The following ASPH variants were observed in gnomAD, a reference collection of about 807,000 sequenced individuals.
The protein encoded by ASPH is aspartyl/asparaginyl beta-hydroxylase.
A neutral mutation model predicts 118.4 loss-of-function variants in ASPH; 100 were observed. The observed-to-expected ratio is 0.84, with a 90% CI of 0.72 to 1.00. The LOEUF (loss-of-function observed/expected upper bound fraction) is 1.00, where lower values mean the gene tolerates loss of function less well. ASPH is among the 50% of genes least tolerant of loss of function. The pLI is 0.00. For synonymous variants in ASPH, 315 were observed against 325.6 expected, an observed-to-expected ratio of 0.97 and a Z score of 0.35; for missense variants, 920 against 919.5, an observed-to-expected ratio of 1.00 and a Z score of -0.01.
intron 14 of ASPH, among the ~76,000 whole-genome samples, chr8:61,584,928 T>C (rs1392484163): frequency 1.3e-5 from 2 of 152,218 alleles, no homozygotes; most frequent in East Asian, 1.9e-4. Context: ...AAGTTTCTCC[T>C]GAAATCACCC....
Position 61,578,340 on chromosome 8 carries a change from G to A in ASPH, c.1063-1482C>T, listed in dbSNP as rs1563892323. ...CATCAGCTCCTCGAGCTTCTCCTGA[G>A]TGGGCAGCAGCAGCTTTCGGGGTGG... is the stretch of plus-strand genomic sequence containing the variant. On this transcript the variant is annotated intron_variant, in intron 15 of 24. Transcript: ENST00000379454. 7.5e-6 allele frequency: 12 copies of A among 1,606,734 alleles called. No homozygotes were observed. The East Asian group carries it at 2.7e-4, about 36-fold the overall frequency.
intron 1 of ASPH, among the ~76,000 whole-genome samples, chr8:61,704,682 A>G (rs1379483860): frequency 6.6e-6 from 1 of 152,212 alleles, no homozygotes; most frequent in Non-Finnish European, 1.5e-5. Context: ...AAGAAACTTC[A>G]CTAAAGATAA....
chr8:61,583,550 A>C, intron 15 of ASPH: 1 of 161,060 alleles, frequency 6.2e-6, no homozygotes, highest in Non-Finnish European at 1.3e-5. Flanking sequence ...CCAAAAAAAA[A>C]AAAAAAAAAA....
intron 14 of ASPH, among the ~76,000 whole-genome samples, chr8:61,596,673 C>T (rs1010769856): frequency 3.3e-5 from 5 of 152,244 alleles, no homozygotes; most frequent in African/African-American, 4.8e-5. Context: ...GACTACACTA[C>T]TGCGCCAGCC....
At chr8:61,622,136 G>A (rs546594365) in intron 13 of ASPH, among the ~76,000 whole-genome samples, 19 of 152,106 alleles carry the variant, frequency 1.2e-4, no homozygotes, top group Non-Finnish European at 2.6e-4. Flanking sequence ...TCAAGAGATC[G>A]AGACCATCCT....
chr8:61,608,171 C>A (rs567700049), intron 14 of ASPH, among the ~76,000 whole-genome samples: 2 of 152,270 alleles, frequency 1.3e-5, no homozygotes, highest in African/African-American at 2.4e-5. Context: ...TGATAAAAAT[C>A]TTGTTCTTTC....
chr8:61,585,078 G>A (rs1055567041), intron 14 of ASPH, among the ~76,000 whole-genome samples: 2 of 152,192 alleles, frequency 1.3e-5, no homozygotes, highest in Admixed American at 6.5e-5. Context: ...CTCTTGCAGG[G>A]TGGTACCGTG....
intron 6 of ASPH, among the ~76,000 whole-genome samples, chr8:61,645,257 A>ATCAGAAAGTAAGGTTTCTGCAATT (rs1351064362): frequency 2.0e-5 from 3 of 152,224 alleles, no homozygotes; most frequent in Non-Finnish European, 2.9e-5. Flanking sequence ...TAAAGATGAG[A>ATCAGAAAGTAAGGTTTCTGCAATT]TCAGAAAGTA....
chr8:61,686,459 T>A (rs1038039213), intron 1 of ASPH, among the ~76,000 whole-genome samples: 1 of 152,148 alleles, frequency 6.6e-6, no homozygotes, highest in Admixed American at 6.5e-5. Flanking sequence ...TTTACGAAAG[T>A]GAGTAAGCTT....
At chr8:61,577,334 A>C (rs1835530826) in intron 15 of ASPH, among the ~76,000 whole-genome samples, 1 of 149,802 alleles carries the variant, frequency 6.7e-6, no homozygotes, top group Admixed American at 6.6e-5. Flanking sequence ...AAGTATAATA[A>C]TAAAAACATA....
At chr8:61,697,962 A>G (rs945473315) in intron 1 of ASPH, among the ~76,000 whole-genome samples, 1 of 146,276 alleles carries the variant, frequency 6.8e-6, no homozygotes, top group Admixed American at 6.8e-5. Context: ...AGCTAATTAG[A>G]AAAAAAAAAA....
Position 61,706,427 on chromosome 8 carries a change from AAAGAAG to A in ASPH, c.103+7836_103+7841del, listed in dbSNP as rs1215822515. 8.0e-3 allele frequency among the ~76,000 whole-genome samples: 690 copies of A among 85,976 alleles called. 5 individuals carry two copies. The highest frequency in any genetic ancestry group is 0.013 in the African/African-American group (255 of 20,144). The allele number at this position is 85,976 out of a possible 152,430, so 56.4% of individuals were successfully genotyped here. On this transcript the variant is annotated intron_variant, in intron 1 of 24. Transcript: ENST00000379454. ...CTCAAAAAAAAAAAAAAAAAAAAAAAAAGAAGAAGAAGAAGAAGAAGAAGAAGAAGG... is the reference window on the plus strand; with the variant it reads ...CTCAAAAAAAAAAAAAAAAAAAAAAAAAGAAGAAGAAGAAGAAGAAGAAGG...
At chr8:61,604,649 T>C (rs1380455907) in intron 14 of ASPH, among the ~76,000 whole-genome samples, 1 of 152,244 alleles carries the variant, frequency 6.6e-6, no homozygotes, top group African/African-American at 2.4e-5. Flanking sequence ...TTATGAATAA[T>C]GTGCAGTTTA....
rs1464032514 is a variant in ASPH, at chr8:61,714,499, G to C, written c.-128C>G. 4.6e-6 allele frequency: 6 copies of C among 1,308,080 alleles called. No individual in the cohort carries two copies. In the African/African-American group the frequency reaches 9.4e-5, roughly 20 times the overall value. 81.0% of individuals were successfully genotyped at this position (1,308,080 alleles called of 1,614,324 possible). On this transcript the variant is annotated 5_prime_UTR_variant, in exon 1 of 25. Coordinates refer to ENST00000379454, the MANE Select transcript of ASPH (RefSeq NM_004318.4). ...GGTTCGGGCCGCTGCTCCTGCAGCA[G>C]ACCCTGTGCCTCAGCACCGCCTGCA...
At chr8:61,629,282 T>C (rs1325214930) in intron 13 of ASPH, among the ~76,000 whole-genome samples, 1 of 152,182 alleles carries the variant, frequency 6.6e-6, no homozygotes, top group Non-Finnish European at 1.5e-5. Flanking sequence ...AACAGAAAAA[T>C]AGTTAATAGA....
chr8:61,648,866 A>AT (rs1383924180), intron 5 of ASPH, among the ~76,000 whole-genome samples: 2 of 145,370 alleles, frequency 1.4e-5, no homozygotes, highest in African/African-American at 2.5e-5. Context: ...ATGCACCATG[A>AT]TGGGGGCAGG....
intron 1 of ASPH, among the ~76,000 whole-genome samples, chr8:61,689,111 T>C (rs916803219): frequency 2.0e-5 from 3 of 152,164 alleles, no homozygotes; most frequent in Non-Finnish European, 2.9e-5. Flanking sequence ...AGCAAATATA[T>C]ACAAAACATT....
chr8:61,636,479 T>G (rs1857808358), intron 12 of ASPH, among the ~76,000 whole-genome samples: 1 of 151,978 alleles, frequency 6.6e-6, no homozygotes, highest in South Asian at 2.1e-4. Flanking sequence ...GAAAACAAGG[T>G]TGGTTGCTGT....
At position 61,682,357 on chromosome 8, in the gene ASPH, GATA is replaced by G. The variant is rs973692951; in HGVS notation, c.254-1324_254-1322del. ...GTCCTATCACTTATATTCTGATGTA[GATA>G]ATAATTAAATTAGTAGAAAAAGGAT... On this transcript the variant is annotated intron_variant, in intron 2 of 24. Transcript: ENST00000379454. 2.9e-6 allele frequency: 4 copies of G among 1,398,158 alleles called. No individual in the cohort carries two copies. The African/African-American group carries it at 4.4e-5, about 15-fold the overall frequency. The allele number at this position is 1,398,158 out of a possible 1,614,324, so 86.6% of individuals were successfully genotyped here. A position where few individuals can be genotyped will look rare whatever the true frequency, so the allele number is the denominator to read the frequency against.
Sources: gnomAD v4.1 joint callset for allele counts (sites outside exome capture counted in the v4.1 genomes callset) on GRCh38, gnomAD v4.1.1 for gene constraint, MANE v1.5 for transcripts, NCBI Gene and HGNC (gene_info 2026-07-23, HGNC 2026-07-21) for gene names.